The following CC2D1B variants were observed in gnomAD, a reference collection of about 807,000 sequenced individuals.
CC2D1B encodes the protein coiled-coil and C2 domain-containing protein 1B.
CC2D1B carries 92 observed loss-of-function variants against 110.8 expected under a neutral mutation model. The observed-to-expected ratio is 0.83, with a 90% confidence interval of 0.70 to 0.99. The LOEUF is 0.99. Among genes scored for constraint, CC2D1B ranks in the 50% least tolerant of loss-of-function variants. The probability of loss-of-function intolerance (pLI) is 0.00; values close to 1 mark genes in which losing one functional copy is unlikely to be tolerated. For synonymous variants in CC2D1B, 406 were observed against 429.2 expected (o/e 0.95, Z 0.67); for missense variants, 1,136 against 1,089.0 (o/e 1.04, Z -0.61).
At chr1:52,361,432 C>T (rs531510327) in intron 4 of CC2D1B, 81 bp downstream of exon 4, 1 of 1,591,918 alleles carries the variant, frequency 6.3e-7, no homozygotes, top group Non-Finnish European at 8.6e-7. Flanking sequence ...AGGGGCACCC[C>T]CAGCCTCCTC....
chr1:52,355,301 G>A, intron 21 of CC2D1B, 97 bp downstream of exon 21: 3 of 1,252,952 alleles, frequency 2.4e-6, no homozygotes, highest in Non-Finnish European at 3.5e-6. Flanking sequence ...CAAGTGGGGT[G>A]GATCAAGTAA....
chr1:52,362,819 G>A, intron 2 of CC2D1B, 73 bp from the exon 3 acceptor site: 1 of 1,510,010 alleles, frequency 6.6e-7, no homozygotes, highest in Non-Finnish European at 9.1e-7. Flanking sequence ...CCAGACTTGG[G>A]GCTCTCCAAG....
intron 3 of CC2D1B, among the ~76,000 whole-genome samples, chr1:52,361,931 A>G (rs953766063): frequency 6.6e-6 from 1 of 152,232 alleles, no homozygotes; most frequent in Non-Finnish European, 1.5e-5. Flanking sequence ...TCAAAGTCCA[A>G]CAGAGCTTCA....
chr1:52,364,979 A>G (rs1405497891), intron 1 of CC2D1B, among the ~76,000 whole-genome samples: 1 of 152,234 alleles, frequency 6.6e-6, no homozygotes, highest in East Asian at 1.9e-4. Context: ...TTTAAATTTC[A>G]ATGAATTAAA....
At position 52,360,213 on chromosome 1, in the gene CC2D1B, G is replaced by A. The variant is rs751009765; in HGVS notation, c.624C>T (p.Ala208=). The A allele has an allele frequency of 3.7e-6, 6 of 1,614,114 alleles. No individual in the cohort carries two copies. The highest frequency in any genetic ancestry group is 3.3e-5 in the South Asian group (3 of 91,080). ...TGATCTTTCTGCCTCTCCTCACAGA[G>A]GCTAGCTGCGACTCCAAGGTCTGAG... ...RGLKTLESQL[A]SVRRGRKINE... Residue 208 remains alanine (A), a synonymous_variant, in exon 7 of 25, where the codon GCC becomes GCT. Transcript: ENST00000284376.
rs748201880 is a variant in CC2D1B at position 52,355,382 on chromosome 1, C to T, written c.2239+16G>A. The T allele has an allele frequency of 1.1e-5, 17 of 1,613,636 alleles. No individual in the cohort carries two copies. The South Asian group carries it at 1.8e-4, about 17-fold the overall frequency. ...CACTCTGAGGGAGGAGAAAGAGGCC[C>T]ACGTGTGGCCCTCACCTGGAGAGTT... On this transcript the variant is annotated intron_variant, in intron 21 of 24. Coordinates refer to ENST00000284376, the MANE Select transcript of CC2D1B (RefSeq NM_001330585.2).
In CC2D1B at chr1:52,355,650, G is replaced by A. The variant is rs1227003903; in HGVS notation, c.2145C>T (p.Asp715=). Residue 715 remains aspartate (D), a synonymous_variant, in exon 20 of 25, where the codon GAC becomes GAT. Transcript: ENST00000284376. ...ACTCAAACCGCACAAAAGCATCCAG[G>A]TCATCGGGAGTCACCCCTGGGAAGG... ...LPAPPGVTPD[D]LDAFVRFEFH... The A allele has an allele frequency of 1.2e-6, 2 of 1,614,202 alleles. No individual in the cohort carries two copies. Among genetic ancestry groups the A allele is most frequent in the Non-Finnish European group, 1.7e-6 (2 of 1,180,044 alleles).
rs1365306390 is a variant in CC2D1B at position 52,352,627 on chromosome 1, C to G, written c.*598G>C. On this transcript the variant is annotated 3_prime_UTR_variant, in exon 25 of 25. Coordinates refer to ENST00000284376, the MANE Select transcript of CC2D1B (RefSeq NM_001330585.2). The stretch of plus-strand genomic sequence containing the variant: ...CCAAGATCCAACCTTCCCCTTACTT[C>G]CCACCAAGTAGTACCAAAAACAACT... 1 of 152,578 alleles carries G rather than the reference C, an allele frequency of 6.6e-6. No homozygotes were observed. Among genetic ancestry groups the G allele is most frequent in the Admixed American group, 6.5e-5 (1 of 15,268 alleles). 9.5% of individuals were successfully genotyped at this position (152,578 alleles called of 1,614,324 possible).
rs1249532465 is a variant in CC2D1B, at chr1:52,361,588, C to T, written c.243G>A (p.Lys81=). Residue 81 remains lysine, a synonymous_variant, in exon 4 of 25, where the codon AAG becomes AAA. Coordinates refer to ENST00000284376, the MANE Select transcript of CC2D1B (RefSeq NM_001330585.2). ...CATCCCGCATACAGTCTGCCGCCAA[C>T]TTCTCGATGTGGGCCATGGGCAGGG... The part of the protein sequence containing the change: ...QAPLPMAHIE[K]LAADCMRDVE... 6.2e-7 allele frequency: 1 copy of T among 1,613,790 alleles called. No individual in the cohort carries two copies. The highest frequency in any genetic ancestry group is 8.5e-7 in the Non-Finnish European group (1 of 1,180,028).
At position 52,361,094 on chromosome 1, in the gene CC2D1B, A is replaced by C. The variant is rs200323678; in HGVS notation, c.357T>G (p.Thr119=). ...CTACCTCATCACCATCCAGGGGCTCAGTCTCCTCGTCCACACCTAAGACCT... is the reference window on the plus strand; with the variant it reads ...CTACCTCATCACCATCCAGGGGCTCCGTCTCCTCGTCCACACCTAAGACCT... ...LQEVLGVDEE[T]EPLDGDEVAD... Residue 119 remains threonine (T), a synonymous_variant, in exon 5 of 25, where the codon ACT becomes ACG. Coordinates refer to ENST00000284376, the MANE Select transcript of CC2D1B (RefSeq NM_001330585.2). The C allele has an allele frequency of 1.5e-5, 25 of 1,614,112 alleles. No individual in the cohort carries two copies. In the East Asian group the frequency reaches 5.3e-4, roughly 35 times the overall value.
chr1:52,364,064 C>T (rs772101849), intron 2 of CC2D1B, among the ~76,000 whole-genome samples: 49 of 152,178 alleles, frequency 3.2e-4, no homozygotes, highest in Non-Finnish European at 2.9e-4. Context: ...CTCTTTGCGA[C>T]TTGAGTCTAT....
chr1:52,355,865 G>GA (rs1646640448), intron 18 of CC2D1B, 21 bp from the exon 19 acceptor site: 2 of 1,612,994 alleles, frequency 1.2e-6, no homozygotes, highest in Non-Finnish European at 1.7e-6. Flanking sequence ...GCGGGAAGGA[G>GA]AAAATGCTCA....
chr1:52,355,318 A>G, intron 21 of CC2D1B, 80 bp downstream of exon 21: 2 of 1,454,652 alleles, frequency 1.4e-6, no homozygotes, highest in Non-Finnish European at 1.9e-6. Context: ...GTAAGGGCAT[A>G]GATGGGAACC....
At chr1:52,358,162 C>T in intron 13 of CC2D1B, 169 bp downstream of exon 13, 2 of 1,010,746 alleles carry the variant, frequency 2.0e-6, no homozygotes, top group Non-Finnish European at 2.8e-6. Context: ...TGGTTTGAAT[C>T]CTAGTTCTGC....
chr1:52,353,744 G>T, intron 23 of CC2D1B, 97 bp from the exon 24 acceptor site: 1 of 860,648 alleles, frequency 1.2e-6, no homozygotes, highest in Non-Finnish European at 1.8e-6. Flanking sequence ...GAGGAGCTAA[G>T]ATGTCCTGTG....
chr1:52,358,243 G>A (rs144908350), intron 13 of CC2D1B, 88 bp downstream of exon 13: 413 of 1,514,196 alleles, frequency 2.7e-4, no homozygotes, highest in Admixed American at 4.0e-4. Context: ...GTACCTTATT[G>A]GGCTTGTTAG....
At chr1:52,357,153 C>T in intron 15 of CC2D1B, 27 bp from the exon 16 acceptor site, 1 of 1,612,740 alleles carries the variant, frequency 6.2e-7, no homozygotes, top group Non-Finnish European at 8.5e-7. Context: ...GCCCCTCGGG[C>T]CCCAAGAGTC....
rs1037982861 is a variant in CC2D1B at position 52,355,901 on chromosome 1, G to C, written c.2055-57C>G. ...AAAGTGAAGGACAGTAGTGGAACAA[G>C]GTCCCTTCGTCCAGGGCCTGTCTGC... On this transcript the variant is annotated intron_variant, in intron 18 of 24. Transcript: ENST00000284376. The C allele has an allele frequency of 1.9e-6, 3 of 1,566,936 alleles. No homozygotes were observed. The African/African-American group carries it at 4.1e-5, about 21-fold the overall frequency.
chr1:52,359,197 T>G (rs1407798677), intron 10 of CC2D1B, 40 bp from the exon 11 acceptor site: 1 of 1,609,990 alleles, frequency 6.2e-7, no homozygotes, highest in East Asian at 2.2e-5. Context: ...CAGGTCAGCC[T>G]GCCCTCCAAT....
Sources: gnomAD v4.1 joint callset for allele counts (sites outside exome capture counted in the v4.1 genomes callset) on GRCh38, gnomAD v4.1.1 for gene constraint, MANE v1.5 for transcripts, NCBI Gene and HGNC (gene_info 2026-07-23, HGNC 2026-07-21) for gene names.